The following SPTBN1 variants were observed in gnomAD, a reference collection of about 807,000 sequenced individuals.
SPTBN1 encodes the protein spectrin beta, non-erythrocytic 1, also known as spectrin beta chain, non-erythrocytic 1.
A neutral mutation model predicts 266.4 loss-of-function variants in SPTBN1; 32 were observed. That is an observed-to-expected ratio of 0.12 (90% CI 0.09 to 0.16). The LOEUF (loss-of-function observed/expected upper bound fraction) is 0.16, where lower values mean the gene tolerates loss of function less well. Among genes scored for constraint, SPTBN1 ranks in the 10% least tolerant of loss-of-function variants. The pLI, the probability that SPTBN1 is intolerant of heterozygous loss-of-function variation, is 1.00. For synonymous variants in SPTBN1, 1,336 were observed against 1,162.2 expected, an observed-to-expected ratio of 1.15 and a Z score of -3.04; for missense variants, 2,296 against 3,067.1, an observed-to-expected ratio of 0.75 and a Z score of 5.94.
chr2:54,581,444 T>C (rs1441119543), intron 2 of SPTBN1, among the ~76,000 whole-genome samples: 1 of 152,224 alleles, frequency 6.6e-6, no homozygotes, highest in East Asian at 1.9e-4. Context: ...CAGCATTTGC[T>C]GCTGCTTTCC....
rs767998326 is a variant in SPTBN1, at chr2:54,646,518, G to T, written c.4866+43G>T. 4.7e-5 allele frequency: 68 copies of T among 1,450,798 alleles called. No individual in the cohort carries two copies. Among genetic ancestry groups the T allele is most frequent in the Non-Finnish European group, 6.0e-5 (66 of 1,101,850 alleles). 89.9% of individuals were successfully genotyped at this position (1,450,798 alleles called of 1,614,324 possible). A position where few individuals can be genotyped will look rare whatever the true frequency, so the allele number is the denominator to read the frequency against. Reference sequence around the variant, plus strand: ...GCATCCCTGTCCCAGGAGAGCCTCAGATTCAAACCCTGGGCACACTTTCTG... The same window carrying T: ...GCATCCCTGTCCCAGGAGAGCCTCATATTCAAACCCTGGGCACACTTTCTG... On this transcript the variant is annotated intron_variant, in intron 23 of 35. Coordinates refer to ENST00000356805, the MANE Select transcript of SPTBN1 (RefSeq NM_003128.3). The surrounding 1 kb of genome is among the most constrained non-coding windows in gnomAD (Gnocchi z 4.4).
intron 3 of SPTBN1, among the ~76,000 whole-genome samples, chr2:54,610,917 A>G (rs1365603830): frequency 6.6e-6 from 1 of 152,236 alleles, no homozygotes; most frequent in Non-Finnish European, 1.5e-5. Context: ...AATTTACTAG[A>G]GAGACCACGT....
chr2:54,594,835 T>TTTTTCTTTC (rs1675953388), intron 2 of SPTBN1, among the ~76,000 whole-genome samples: 1 of 137,876 alleles, frequency 7.3e-6, no homozygotes, highest in South Asian at 2.2e-4. Flanking sequence ...GTAAGTTTCT[T>TTTTTCTTTC]TTTTTTTTTT....
chr2:54,564,451 C>T (rs1395813481), intron 2 of SPTBN1, among the ~76,000 whole-genome samples: 3 of 152,154 alleles, frequency 2.0e-5, no homozygotes, highest in Non-Finnish European at 4.4e-5. Context: ...CCTAAAGTGT[C>T]CCCATGCAGT....
chr2:54,519,832 G>GATTTTC (rs1670330905), intron 1 of SPTBN1, among the ~76,000 whole-genome samples: 2 of 152,124 alleles, frequency 1.3e-5, no homozygotes, highest in Non-Finnish European at 2.9e-5. Context: ...AGATTTTCAG[G>GATTTTC]AGGTACGAGT....
Position 54,668,389 on chromosome 2 carries a change from C to T in SPTBN1, c.6915C>T (p.Ala2305=). Residue 2305 remains alanine (A), a synonymous_variant, in exon 36 of 36, where the codon GCC becomes GCT. Transcript: ENST00000356805. ...CATGGATCCAGGCTATCTCTTCCGC[C>T]ATCTCCTCTGATAAACACGAGGTGT... is the stretch of plus-strand genomic sequence containing the variant. The part of the protein sequence containing the change: ...MNTWIQAISS[A]ISSDKHEVSA... 6.2e-7 allele frequency: 1 copy of T among 1,614,198 alleles called. No individual in the cohort carries two copies.
chr2:54,568,906 T>A (rs575594317), intron 2 of SPTBN1, among the ~76,000 whole-genome samples: 2 of 152,232 alleles, frequency 1.3e-5, no homozygotes, highest in Admixed American at 6.5e-5. Context: ...CTTAGTAGAA[T>A]GATCCTATAT....
intron 2 of SPTBN1, among the ~76,000 whole-genome samples, chr2:54,530,946 G>A (rs981109322): frequency 2.0e-5 from 3 of 152,112 alleles, no homozygotes; most frequent in African/African-American, 7.2e-5. Flanking sequence ...ACCCAAGACT[G>A]AGCAGTTAGA....
chr2:54,532,917 C>T (rs966428380), intron 2 of SPTBN1, among the ~76,000 whole-genome samples: 4 of 152,118 alleles, frequency 2.6e-5, no homozygotes, highest in South Asian at 2.1e-4. Context: ...AACTATTTCT[C>T]GGATAGAAGA....
chr2:54,613,355 A>G (rs1004673502), intron 4 of SPTBN1, among the ~76,000 whole-genome samples: 1 of 152,262 alleles, frequency 6.6e-6, no homozygotes, highest in African/African-American at 2.4e-5. Context: ...AAAAAGGAAA[A>G]ACGAAAAATC....
Position 54,461,599 on chromosome 2 carries a change from C to T in SPTBN1, c.-48+5081C>T, listed in dbSNP as rs78935447. 6.0e-3 allele frequency among the ~76,000 whole-genome samples: 909 copies of T among 152,350 alleles called. 14 individuals are homozygous for T. The highest frequency in any genetic ancestry group is 0.021 in the African/African-American group (859 of 41,584). ...AAGTGTTACAGTTCCAAAGCCTTGC[C>T]AGTGCTTCACATACCAGGCTTGAAA... On this transcript the variant is annotated intron_variant, in intron 1 of 35. Coordinates refer to ENST00000356805, the MANE Select transcript of SPTBN1 (RefSeq NM_003128.3).
chr2:54,608,103 G>A (rs1407200139), intron 3 of SPTBN1, among the ~76,000 whole-genome samples: 1 of 152,132 alleles, frequency 6.6e-6, no homozygotes, highest in East Asian at 1.9e-4. Flanking sequence ...TTTCCCCTGT[G>A]AGGTCCGCTC....
rs1195124067 is a variant in SPTBN1 at position 54,526,385 on chromosome 2, A to C, written c.-34A>C. 1.2e-6 allele frequency: 2 copies of C among 1,610,770 alleles called. No homozygotes were observed. Among genetic ancestry groups the C allele is most frequent in the Admixed American group, 3.4e-5 (2 of 59,450 alleles). ...TCTTTCTCATAGAACTCTAAGAAGG[A>C]GCTGATGTGGAGGAGCAGCTGAGAC... On this transcript the variant is annotated 5_prime_UTR_variant, in exon 2 of 36. Transcript: ENST00000356805.
At chr2:54,461,335 C>T (rs1017632543) in intron 1 of SPTBN1, among the ~76,000 whole-genome samples, 1 of 152,132 alleles carries the variant, frequency 6.6e-6, no homozygotes, top group African/African-American at 2.4e-5. Context: ...TTTATTTATT[C>T]ATTGTACTCT....
chr2:54,654,931 A>C (rs1003631855), intron 27 of SPTBN1, 139 bp from the exon 28 acceptor site: 1 of 1,226,760 alleles, frequency 8.2e-7, no homozygotes, highest in African/African-American at 1.6e-5. Flanking sequence ...GCCTAAGCTC[A>C]GGGAGTGATT....
At chr2:54,492,932 A>G (rs1156398874) in intron 1 of SPTBN1, among the ~76,000 whole-genome samples, 2 of 152,176 alleles carry the variant, frequency 1.3e-5, no homozygotes, top group African/African-American at 4.8e-5. Context: ...TGTCTGCAGA[A>G]TATTGAATAC....
At chr2:54,613,988 C>A (rs963038789) in intron 4 of SPTBN1, among the ~76,000 whole-genome samples, 9 of 152,224 alleles carry the variant, frequency 5.9e-5, no homozygotes, top group African/African-American at 2.2e-4. Context: ...ACACACAGCC[C>A]TTTTCAGGAT....
chr2:54,539,256 A>C (rs532206983), intron 2 of SPTBN1, among the ~76,000 whole-genome samples: 6 of 152,090 alleles, frequency 3.9e-5, no homozygotes, highest in Non-Finnish European at 7.4e-5. Context: ...AGACTGAAGA[A>C]CTCATTCATG....
At chr2:54,541,931 T>A (rs1056323806) in intron 2 of SPTBN1, among the ~76,000 whole-genome samples, 1 of 152,236 alleles carries the variant, frequency 6.6e-6, no homozygotes, top group Non-Finnish European at 1.5e-5. Flanking sequence ...ATACTTTCTA[T>A]TCTATTCCAT....
Sources: allele counts gnomAD v4.1 joint callset (sites outside exome capture counted in the v4.1 genomes callset), GRCh38; gene constraint gnomAD v4.1.1; non-coding constraint Gnocchi (gnomAD v3.1); transcripts MANE v1.5; gene names NCBI Gene and HGNC (gene_info 2026-07-23, HGNC 2026-07-21).